The following GK5 variants were observed in gnomAD, a reference collection of about 807,000 sequenced individuals.
GK5 encodes the protein ATP:glycerol 3-phosphotransferase 5.
In GK5, 39 loss-of-function variants were observed where a neutral mutation model predicts 77.3. That is an observed-to-expected ratio of 0.50 (90% confidence interval 0.39 to 0.66). The LOEUF (loss-of-function observed/expected upper bound fraction) is 0.66. Ranked by LOEUF, GK5 falls within the 30% of genes least tolerant of loss-of-function variation. The pLI is 0.00. For synonymous variants in GK5, 211 were observed against 208.0 expected (o/e 1.01, Z -0.13); for missense variants, 487 against 633.8 (o/e 0.77, Z 2.49).
intron 1 of GK5, among the ~76,000 whole-genome samples, chr3:142,223,799 T>C (rs2064389830): frequency 6.6e-6 from 1 of 151,958 alleles, no homozygotes; most frequent in Admixed American, 6.5e-5. Flanking sequence ...GATCATGCCA[T>C]TGCACTCCAG....
rs372675323 is a variant in GK5, at chr3:142,181,505, T to C, written c.1004A>G (p.Asn335Ser). ...GQEVVCLAES[N>S]AGDTGTAIKW... ...TATGGCAGTACCAGTGTCTCCTGCA[T>C]TGCTTTCAGCTAAGCATACGACTTC... The change falls in exon 11 of 16, where the codon AAT (asparagine) becomes AGT (serine). Residue 335 changes from asparagine (N) to serine (S), a missense_variant. This residue lies in a region of GK5 where 323 missense variants were observed against 437.4 expected (regional missense o/e 0.74). Coordinates refer to ENST00000392993, the MANE Select transcript of GK5 (RefSeq NM_001039547.3). 7 of 1,613,664 alleles carry C rather than the reference T, an allele frequency of 4.3e-6. No homozygotes were observed. The highest frequency in any genetic ancestry group is 4.0e-5 in the African/African-American group (3 of 74,930).
At chr3:142,203,503 G>A (rs1199413546) in intron 4 of GK5, among the ~76,000 whole-genome samples, 5 of 152,214 alleles carry the variant, frequency 3.3e-5, no homozygotes, top group South Asian at 2.1e-4. Flanking sequence ...GGCCAGGCGC[G>A]ATGACTGACG....
At chr3:142,204,550 T>C (rs1268422570) in intron 4 of GK5, 145 bp downstream of exon 4, 1 of 709,718 alleles carries the variant, frequency 1.4e-6, no homozygotes, top group Non-Finnish European at 2.6e-6. Flanking sequence ...TTTGATTGGC[T>C]ATTATTAAAC....
intron 3 of GK5, among the ~76,000 whole-genome samples, chr3:142,206,806 TTAATTTTGTTCTGTGTA>T (rs1389767620): frequency 6.6e-6 from 1 of 152,214 alleles, no homozygotes; most frequent in Non-Finnish European, 1.5e-5. Flanking sequence ...TCCACTATCG[TTAATTTTGTTCTGTGTA>T]TAATTTGTGC....
rs960576705 is a variant in GK5 at position 142,161,040 on chromosome 3, A to G, written c.*4582T>C. On this transcript the variant is annotated 3_prime_UTR_variant, in exon 16 of 16. Coordinates refer to ENST00000392993, the MANE Select transcript of GK5 (RefSeq NM_001039547.3). The stretch of plus-strand genomic sequence containing the variant: ...ACTTGGCCAAAAATTTTAAATAAAC[A>G]ACATGAGGATTCTAGCTCTCACTAC... The G allele has an allele frequency of 1.3e-4, 20 of 152,126 alleles. No individual in the cohort carries two copies. The highest frequency in any genetic ancestry group is 1.2e-3 in the Admixed American group (19 of 15,278). 9.4% of individuals were successfully genotyped at this position (152,126 alleles called of 1,614,324 possible). A position where few individuals can be genotyped will look rare whatever the true frequency, so the allele number is the denominator to read the frequency against.
rs575440753 is a variant in GK5 at position 142,180,451 on chromosome 3, C to T, written c.1048+1010G>A. Reference sequence around the variant, plus strand: ...CAGAGTAGCTGGGATTACAGGCGCACACCACCATGCCCGGCTAATTTTGTA... The same window carrying T: ...CAGAGTAGCTGGGATTACAGGCGCATACCACCATGCCCGGCTAATTTTGTA... On this transcript the variant is annotated intron_variant, in intron 11 of 15. Coordinates refer to ENST00000392993, the MANE Select transcript of GK5 (RefSeq NM_001039547.3). 4.3e-4 allele frequency among the ~76,000 whole-genome samples: 65 copies of T among 152,030 alleles called. 1 individual carries two copies. Among genetic ancestry groups the T allele is most frequent in the Admixed American group, 3.1e-3 (48 of 15,264 alleles).
Position 142,225,548 on chromosome 3 carries a change from G to C in GK5, c.-93C>G, listed in dbSNP as rs1465529436. Reference sequence around the variant, plus strand: ...AGAGTCCCCGGGCGGCCCAACCCGGGCCCCAACCCGGCTCAGCCGGAGAGC... The same window carrying C: ...AGAGTCCCCGGGCGGCCCAACCCGGCCCCCAACCCGGCTCAGCCGGAGAGC... On this transcript the variant is annotated 5_prime_UTR_variant, in exon 1 of 16. Transcript: ENST00000392993. 1 of 1,462,312 alleles carries C rather than the reference G, an allele frequency of 6.8e-7. No homozygotes were observed. The highest frequency in any genetic ancestry group is 9.1e-7 in the Non-Finnish European group (1 of 1,099,520). 90.6% of individuals were successfully genotyped at this position (1,462,312 alleles called of 1,614,324 possible). A position where few individuals can be genotyped will look rare whatever the true frequency, so the allele number is the denominator to read the frequency against.
intron 1 of GK5, among the ~76,000 whole-genome samples, chr3:142,222,433 C>T (rs1193911330): frequency 6.6e-5 from 10 of 151,992 alleles, no homozygotes; most frequent in African/African-American, 2.4e-4. Context: ...GGCTTGGTGG[C>T]GGGCGCCTGT....
At chr3:142,225,063 C>G (rs946751688) in intron 1 of GK5, among the ~76,000 whole-genome samples, 3 of 152,190 alleles carry the variant, frequency 2.0e-5, no homozygotes, top group African/African-American at 7.2e-5. Flanking sequence ...CGGCCCAGGT[C>G]ATACACCGGG....
chr3:142,208,314 T>C (rs2064140853), intron 3 of GK5, among the ~76,000 whole-genome samples: 1 of 152,170 alleles, frequency 6.6e-6, no homozygotes, highest in Non-Finnish European at 1.5e-5. Flanking sequence ...TTTATCTATT[T>C]TTTATTTTGT....
At chr3:142,212,707 T>C (rs978691603) in intron 3 of GK5, among the ~76,000 whole-genome samples, 35 of 152,258 alleles carry the variant, frequency 2.3e-4, no homozygotes, top group African/African-American at 8.4e-4. Flanking sequence ...GCCTAAATTA[T>C]AGGTTTGTTG....
In GK5 at chr3:142,173,411, G is replaced by A. The variant is rs555115471; in HGVS notation, c.1144-955C>T. 2.0e-5 allele frequency among the ~76,000 whole-genome samples: 3 copies of A among 151,162 alleles called. No homozygotes were observed. The East Asian group carries it at 6.0e-4, about 30-fold the overall frequency. ...ACAAAGATGAAAAACAGGCCAGGCA[G>A]GGTGGCTCACACCTGTAATCCTAGC... On this transcript the variant is annotated intron_variant, in intron 12 of 15. Transcript: ENST00000392993.
At chr3:142,208,069 G>T (rs1454412982) in intron 3 of GK5, among the ~76,000 whole-genome samples, 2 of 152,046 alleles carry the variant, frequency 1.3e-5, no homozygotes, top group African/African-American at 4.8e-5. Flanking sequence ...CATGCTGCAG[G>T]TGGTTTTCTG....
At chr3:142,184,989 G>T (rs758715631) in intron 9 of GK5, 6 of 985,468 alleles carry the variant, frequency 6.1e-6, no homozygotes, top group Non-Finnish European at 7.2e-6. Flanking sequence ...TTTGTAACTT[G>T]GAAATTAAAT....
At chr3:142,172,114 A>C (rs2063547215) in intron 13 of GK5, among the ~76,000 whole-genome samples, 1 of 152,158 alleles carries the variant, frequency 6.6e-6, no homozygotes, top group Non-Finnish European at 1.5e-5. Context: ...TTTTTTAAAA[A>C]AATCCTTCAA....
chr3:142,217,433 A>G (rs2064288535), intron 1 of GK5, among the ~76,000 whole-genome samples: 1 of 152,188 alleles, frequency 6.6e-6, no homozygotes. Flanking sequence ...ATAGAAGAAA[A>G]TTAATAAACT....
At chr3:142,181,311 TA>T (rs972687537) in intron 11 of GK5, 149 bp downstream of exon 11, 18 of 501,836 alleles carry the variant, frequency 3.6e-5, no homozygotes, top group African/African-American at 3.4e-4. Flanking sequence ...TTCGATATCA[TA>T]AAAATACTTT....
At chr3:142,184,393 T>C (rs945199218) in intron 9 of GK5, among the ~76,000 whole-genome samples, 2 of 151,974 alleles carry the variant, frequency 1.3e-5, no homozygotes, top group Admixed American at 6.6e-5. Flanking sequence ...CACAAATTTA[T>C]TTATTTTATT....
At chr3:142,220,565 A>G (rs1231723673) in intron 1 of GK5, among the ~76,000 whole-genome samples, 4 of 152,128 alleles carry the variant, frequency 2.6e-5, no homozygotes, top group African/African-American at 9.7e-5. Flanking sequence ...CATTTCACTC[A>G]GAGTAAAACC....
Sources: allele counts gnomAD v4.1 joint callset (sites outside exome capture counted in the v4.1 genomes callset), GRCh38; gene constraint gnomAD v4.1.1; regional missense constraint gnomAD v4.1.1; transcripts MANE v1.5; gene names NCBI Gene and HGNC (gene_info 2026-07-23, HGNC 2026-07-21).